BRAF: variants seen among roughly 807,000 people sequenced by gnomAD.
The protein encoded by BRAF is B-Raf proto-oncogene, serine/threonine kinase, also known as serine/threonine-protein kinase B-raf.
Under a neutral mutation model 104.6 loss-of-function variants are expected in BRAF, and 16 were observed. That is an observed-to-expected ratio of 0.15 (90% CI 0.10 to 0.23). The LOEUF is 0.23. Ranked by LOEUF, BRAF falls within the 10% of genes least tolerant of loss-of-function variation. The pLI, the probability that BRAF is intolerant of heterozygous loss-of-function variation, is 1.00. For synonymous variants in BRAF, 310 were observed against 341.6 expected, an observed-to-expected ratio of 0.91 and a Z score of 1.02; for missense variants, 541 against 937.3, an observed-to-expected ratio of 0.58 and a Z score of 5.52.
chr7:140,739,978 A>T (rs1366023424), intron 17 of BRAF, 32 bp from the exon 17 acceptor site: 2 of 1,605,220 alleles, frequency 1.2e-6, no homozygotes, highest in Non-Finnish European at 1.7e-6. Flanking sequence ...AAATAATTCA[A>T]CCTTGTAGAT....
At chr7:140,871,239 C>CA (rs11284186) in intron 1 of BRAF, among the ~76,000 whole-genome samples, 6,233 of 60,516 alleles carry the variant, frequency 0.1, 317 homozygotes, top group Non-Finnish European at 0.13. Flanking sequence ...GACTCCGTCT[C>CA]AAAAAAAAAA....
Position 140,763,034 on chromosome 7 carries a change from G to A in BRAF, c.1815-8801C>T, listed in dbSNP as rs1333082498. Among the ~76,000 whole-genome samples, 6 of 152,314 alleles carry A rather than the reference G, an allele frequency of 3.9e-5. No individual in the cohort carries two copies. In the East Asian group the frequency reaches 5.8e-4, roughly 15 times the overall value. The stretch of plus-strand genomic sequence containing the variant: ...TTCTACACAGACACGGCAACCATCC[G>A]ATTTCTCAATCTTTTCCCCGCTTTT... On this transcript the variant is annotated intron_variant, in intron 14 of 19. Transcript: ENST00000644969.
At chr7:140,747,579 C>T in intron 17 of BRAF, 1 of 314,850 alleles carries the variant, frequency 3.2e-6, no homozygotes, top group East Asian at 9.4e-5. Context: ...AAATGAATTT[C>T]ATCCAGATCT....
intron 1 of BRAF, among the ~76,000 whole-genome samples, chr7:140,871,934 AG>A (rs1288622249): frequency 3.3e-5 from 5 of 152,142 alleles, no homozygotes; most frequent in Non-Finnish European, 5.9e-5. Flanking sequence ...AATTGCACAG[AG>A]GCCAGACACG....
chr7:140,780,862 T>C (rs1249585393), intron 12 of BRAF: 4 of 152,382 alleles, frequency 2.6e-5, no homozygotes, highest in Middle Eastern at 3.4e-3. Flanking sequence ...ATGTCTATTT[T>C]TTGAATTTGC....
rs1035890104 is a variant in BRAF, at chr7:140,924,441, C to A, written c.138+125G>T. On this transcript the variant is annotated intron_variant, in intron 1 of 19. Transcript: ENST00000644969. The surrounding 1 kb of genome is among the most constrained non-coding windows in gnomAD (Gnocchi z 4.2). ...CGGGGGCGATGCCCACCTCCCAGCC[C>A]GCGGAGCTGGCCCGAGAAGGTGGCT... 1.5e-4 allele frequency: 206 copies of A among 1,406,812 alleles called. No individual in the cohort carries two copies. Among genetic ancestry groups the A allele is most frequent in the Non-Finnish European group, 1.9e-4 (200 of 1,038,640 alleles). The allele number at this position is 1,406,812 out of a possible 1,614,324, so 87.1% of individuals were successfully genotyped here. A position where few individuals can be genotyped will look rare whatever the true frequency, so the allele number is the denominator to read the frequency against.
intron 3 of BRAF, among the ~76,000 whole-genome samples, chr7:140,820,554 T>A (rs969529111): frequency 3.3e-5 from 5 of 152,128 alleles, no homozygotes; most frequent in African/African-American, 1.2e-4. Flanking sequence ...GGGTATCAAG[T>A]ATAAAAGTAA....
In BRAF at chr7:140,918,363, C is replaced by T. The variant is rs191681561; in HGVS notation, c.138+6203G>A. On this transcript the variant is annotated intron_variant, in intron 1 of 19. Coordinates refer to ENST00000644969, the MANE Select transcript of BRAF (RefSeq NM_001374258.1). ...TCACAAGAAGCACACAATCTAGATC[C>T]CTCACATGCACAGTTTCTGATAGGG... Among the ~76,000 whole-genome samples, 208 of 152,212 alleles carry T rather than the reference C, an allele frequency of 1.4e-3. No individual in the cohort carries two copies. In the Middle Eastern group the frequency reaches 0.017, roughly 12 times the overall value.
intron 3 of BRAF, among the ~76,000 whole-genome samples, chr7:140,829,932 G>C (rs1806530112): frequency 6.6e-6 from 1 of 152,008 alleles, no homozygotes; most frequent in African/African-American, 2.4e-5. Context: ...TGGAACTTTT[G>C]CTCTCTCCAT....
chr7:140,779,907 G>A (rs1332061688), intron 12 of BRAF: 1 of 152,146 alleles, frequency 6.6e-6, no homozygotes, highest in East Asian at 1.9e-4. Context: ...ACTCCAGCCT[G>A]GGCGACAGAG....
At chr7:140,913,263 C>T (rs1359796176) in intron 1 of BRAF, among the ~76,000 whole-genome samples, 1 of 151,974 alleles carries the variant, frequency 6.6e-6, no homozygotes, top group African/African-American at 2.4e-5. Context: ...TACACACACA[C>T]CCCTCCACTG....
At chr7:140,898,965 G>T (rs1815274730) in intron 1 of BRAF, among the ~76,000 whole-genome samples, 2 of 152,066 alleles carry the variant, frequency 1.3e-5, no homozygotes, top group African/African-American at 4.8e-5. Flanking sequence ...TTGTAGTGTG[G>T]TTTTTTTCCT....
intron 14 of BRAF, among the ~76,000 whole-genome samples, chr7:140,772,491 G>C: frequency 6.6e-6 from 1 of 152,008 alleles, no homozygotes; most frequent in East Asian, 1.9e-4. Flanking sequence ...AGGTGTGATG[G>C]TGCGCCCTTG....
rs112847359 is a variant in BRAF, at chr7:140,754,129, T to C, written c.1861+58A>G. On this transcript the variant is annotated intron_variant, in intron 15 of 19. Coordinates refer to ENST00000644969, the MANE Select transcript of BRAF (RefSeq NM_001374258.1). Reference sequence around the variant, plus strand: ...GTTTTTACATAATGTGAAGACAAAATGCAGAAGAAAAAGTCAGGATGTTTT... The same window carrying C: ...GTTTTTACATAATGTGAAGACAAAACGCAGAAGAAAAAGTCAGGATGTTTT... 1.1e-5 allele frequency: 17 copies of C among 1,520,528 alleles called. No individual in the cohort carries two copies. The East Asian group carries it at 1.1e-4, about 10-fold the overall frequency. The allele number at this position is 1,520,528 out of a possible 1,614,324, so 94.2% of individuals were successfully genotyped here. A position where few individuals can be genotyped will look rare whatever the true frequency, so the allele number is the denominator to read the frequency against.
intron 8 of BRAF, among the ~76,000 whole-genome samples, chr7:140,793,809 T>C (rs1802241522): frequency 6.6e-6 from 1 of 152,100 alleles, no homozygotes; most frequent in Non-Finnish European, 1.5e-5. Context: ...TTACTTTTGG[T>C]AGAGATGGGG....
intron 7 of BRAF, among the ~76,000 whole-genome samples, chr7:140,795,451 C>G (rs1250591028): frequency 2.6e-5 from 4 of 152,206 alleles, no homozygotes; most frequent in Non-Finnish European, 1.5e-5. Context: ...TCATTCCACC[C>G]TATTTTATGC....
intron 12 of BRAF, chr7:140,780,296 A>C (rs183240286): frequency 6.7e-6 from 1 of 149,720 alleles, no homozygotes; most frequent in East Asian, 2.0e-4. Flanking sequence ...GTTGGAGTGC[A>C]ATGGCGGGAT....
chr7:140,871,655 G>A (rs563500271), intron 1 of BRAF, among the ~76,000 whole-genome samples: 1 of 152,116 alleles, frequency 6.6e-6, no homozygotes, highest in African/African-American at 2.4e-5. Context: ...GATGAACTAA[G>A]GCATCAGAAT....
At chr7:140,760,120 C>A (rs560638687) in intron 14 of BRAF, among the ~76,000 whole-genome samples, 1 of 152,088 alleles carries the variant, frequency 6.6e-6, no homozygotes, top group Admixed American at 6.6e-5. Context: ...CATATTAAGA[C>A]GCTGTTTCCT....
Sources: allele counts gnomAD v4.1 joint callset (sites outside exome capture counted in the v4.1 genomes callset), GRCh38; gene constraint gnomAD v4.1.1; non-coding constraint Gnocchi (gnomAD v3.1); transcripts MANE v1.5; gene names NCBI Gene and HGNC (gene_info 2026-07-23, HGNC 2026-07-21).